Variants in FUT8 observed in about 807,000 individuals in gnomAD.
The protein encoded by FUT8 is fucosyltransferase 8.
FUT8 carries 29 observed loss-of-function variants against 71.3 expected under a neutral mutation model. The ratio of observed to expected loss-of-function variants is 0.41; its 90% confidence interval spans 0.30 to 0.55. FUT8 has a LOEUF of 0.55. FUT8 is among the 20% of genes least tolerant of loss of function. The probability of loss-of-function intolerance (pLI) is 0.34; values close to 1 mark genes in which losing one functional copy is unlikely to be tolerated. For synonymous variants in FUT8, 254 were observed against 239.3 expected (o/e 1.06, Z -0.57); for missense variants, 544 against 702.1 (o/e 0.77, Z 2.55).
At chr14:65,508,067 CTTTTTTT>C (rs71446303) in intron 2 of FUT8, among the ~76,000 whole-genome samples, 1 of 126,036 alleles carries the variant, frequency 7.9e-6, no homozygotes, top group Non-Finnish European at 1.7e-5. Context: ...ATGTTAAACA[CTTTTTTT>C]TTTTTTTTTT....
the FUT8 span, among the ~76,000 whole-genome samples, chr14:65,357,150 A>G: frequency 1.3e-5 from 2 of 152,210 alleles, no homozygotes; most frequent in Non-Finnish European, 2.9e-5. Context: ...TAAAATGGGG[A>G]TAATATGTCT....
At chr14:65,456,209 C>G (rs1412903439) in intron 2 of FUT8, among the ~76,000 whole-genome samples, 2 of 152,172 alleles carry the variant, frequency 1.3e-5, no homozygotes. Context: ...TCTAAACCTT[C>G]CAAATTTGCT....
At chr14:65,565,586 T>C (rs1886151386) in intron 3 of FUT8, among the ~76,000 whole-genome samples, 2 of 151,986 alleles carry the variant, frequency 1.3e-5, no homozygotes, top group African/African-American at 2.4e-5. Context: ...AGCAACCCAG[T>C]TCTTTTTCTA....
intron 2 of FUT8, among the ~76,000 whole-genome samples, chr14:65,560,515 A>G (rs11849408): frequency 0.061 from 9,239 of 152,100 alleles, 327 homozygotes; most frequent in Admixed American, 0.11. Context: ...TTTGCCTACA[A>G]ATTCTCTCCT....
chr14:65,442,286 C>T (rs1027869243), intron 1 of FUT8, among the ~76,000 whole-genome samples: 3 of 151,750 alleles, frequency 2.0e-5, no homozygotes, highest in South Asian at 2.1e-4. Context: ...AGTGATTCTC[C>T]TGCCTCAGCC....
chr14:65,707,903 G>A (rs1228371607), intron 7 of FUT8, among the ~76,000 whole-genome samples: 1 of 152,094 alleles, frequency 6.6e-6, no homozygotes, highest in African/African-American at 2.4e-5. Flanking sequence ...TGGGTCTGGT[G>A]CCTCCAGCTT....
At chr14:65,678,280 C>A (rs930618334) in intron 7 of FUT8, among the ~76,000 whole-genome samples, 2 of 152,162 alleles carry the variant, frequency 1.3e-5, no homozygotes, top group Non-Finnish European at 2.9e-5. Context: ...GCCATCCTCC[C>A]AAAGAGAGCC....
At chr14:65,409,420 C>T (rs2065101427), upstream of FUT8, among the ~76,000 whole-genome samples, 1 of 152,174 alleles carries the variant, frequency 6.6e-6, no homozygotes, top group East Asian at 1.9e-4. The surrounding 1 kb of genome is among the most constrained non-coding windows in gnomAD (Gnocchi z 5.4). Flanking sequence ...TAACAGGATC[C>T]ACCTCAAAGG....
intron 1 of FUT8, among the ~76,000 whole-genome samples, chr14:65,447,906 T>C (rs558511841): frequency 6.6e-6 from 1 of 152,308 alleles, no homozygotes; most frequent in African/African-American, 2.4e-5. Context: ...AGTTTCTCAA[T>C]GCCAGAATGT....
chr14:65,552,501 T>A (rs1226437224), intron 2 of FUT8, among the ~76,000 whole-genome samples: 1 of 152,154 alleles, frequency 6.6e-6, no homozygotes, highest in African/African-American at 2.4e-5. Flanking sequence ...GCTGCATATT[T>A]AAAAAATAAA....
At chr14:65,563,043 C>T (rs28390075) in intron 3 of FUT8, among the ~76,000 whole-genome samples, 10,380 of 151,938 alleles carry the variant, frequency 0.068, 650 homozygotes, top group East Asian at 0.2. Context: ...GACAATGCTA[C>T]GTGTTAAGAC....
rs34986420 is a variant in FUT8 at position 65,606,073 on chromosome 14, G to GT, written c.204-9888dup. 5.1e-3 allele frequency among the ~76,000 whole-genome samples: 603 copies of GT among 118,152 alleles called. 9 individuals carry two copies. Among genetic ancestry groups the GT allele is most frequent in the East Asian group, 0.045 (168 of 3,756 alleles). The allele number at this position is 118,152 out of a possible 152,430, so 77.5% of individuals were successfully genotyped here. A position where few individuals can be genotyped will look rare whatever the true frequency, so the allele number is the denominator to read the frequency against. On this transcript the variant is annotated intron_variant, in intron 3 of 10. Coordinates refer to ENST00000673929, the MANE Select transcript of FUT8 (RefSeq NM_001371533.1). ...TAATTTTATTGCACAAAAATTGTTA[G>GT]TTTTTTTTTTTTTTTTTGAGATGGA...
the FUT8 span, among the ~76,000 whole-genome samples, chr14:65,383,889 G>T: frequency 1.3e-5 from 2 of 151,248 alleles, no homozygotes; most frequent in Admixed American, 6.6e-5. Flanking sequence ...AGGCCCAAAG[G>T]TCCCATGGGA....
intron 7 of FUT8, among the ~76,000 whole-genome samples, chr14:65,717,521 AAG>A (rs1895178492): frequency 1.8e-5 from 1 of 54,960 alleles, no homozygotes; most frequent in Non-Finnish European, 3.5e-5. Context: ...CTCCCAGACG[AAG>A]GGCGGCCGGG....
At chr14:65,568,920 T>C (rs1313160792) in intron 3 of FUT8, among the ~76,000 whole-genome samples, 2 of 151,862 alleles carry the variant, frequency 1.3e-5, no homozygotes, top group Non-Finnish European at 2.9e-5. Flanking sequence ...TATCCTATAG[T>C]ATTTATAGTG....
chr14:65,409,725 C>T (rs1438776522), upstream of FUT8, among the ~76,000 whole-genome samples: 1 of 152,130 alleles, frequency 6.6e-6, no homozygotes, highest in Non-Finnish European at 1.5e-5. This position sits in a 1 kb window ranked among gnomAD's most constrained non-coding sequence, Gnocchi z 5.4. Context: ...CACCCGAGTC[C>T]CCATAGCTCT....
chr14:65,378,150 C>T, the FUT8 span, among the ~76,000 whole-genome samples: 1 of 152,106 alleles, frequency 6.6e-6, no homozygotes. Flanking sequence ...TGTAATGGAG[C>T]CAGCTGTATG....
At chr14:65,599,040 TG>T (rs1426665445) in intron 3 of FUT8, among the ~76,000 whole-genome samples, 10 of 151,958 alleles carry the variant, frequency 6.6e-5, no homozygotes, top group African/African-American at 2.4e-4. Context: ...CTGCCCACCT[TG>T]GCCTCCCAAA....
the FUT8 span, among the ~76,000 whole-genome samples, chr14:65,381,236 T>G: frequency 1.2e-4 from 18 of 152,350 alleles, no homozygotes; most frequent in East Asian, 2.9e-3. Flanking sequence ...TTCTCTTTCT[T>G]AAATGATCTT....
Sources: gnomAD v4.1 joint callset for allele counts (sites outside exome capture counted in the v4.1 genomes callset) on GRCh38, gnomAD v4.1.1 for gene constraint, Gnocchi (gnomAD v3.1) non-coding constraint, MANE v1.5 for transcripts, NCBI Gene and HGNC (gene_info 2026-07-23, HGNC 2026-07-21) for gene names.